Variants in SKIC2 observed in about 807,000 individuals in gnomAD.
The protein encoded by SKIC2 is superkiller complex protein 2.
chr6:31,963,327 A>G, the SKIC2 span: 6 of 1,290,792 alleles, frequency 4.6e-6, no homozygotes, highest in Non-Finnish European at 6.4e-6. This position sits in a 1 kb window ranked among gnomAD's most constrained non-coding sequence, Gnocchi z 5.3. Flanking sequence ...AAGACTGGGT[A>G]AAGTTGGAGG....
the SKIC2 span, chr6:31,962,119 A>C: frequency 1.0e-5 from 16 of 1,533,632 alleles, no homozygotes; most frequent in Admixed American, 2.7e-4. The surrounding 1 kb of genome is among the most constrained non-coding windows in gnomAD (Gnocchi z 5.0). Context: ...CATCCTTTGA[A>C]AATCTCATCT....
At chr6:31,960,176 C>A in the SKIC2 span, 1 of 1,606,710 alleles carries the variant, frequency 6.2e-7, no homozygotes, top group Non-Finnish European at 8.5e-7. Context: ...GAAGCTGGGA[C>A]AGAGGAAGAA....
the SKIC2 span, chr6:31,961,961 G>A: frequency 5.0e-6 from 8 of 1,612,876 alleles, no homozygotes; most frequent in African/African-American, 4.0e-5. Context: ...CACTTGGAAC[G>A]GCATGACTCT....
At chr6:31,963,538 G>A in the SKIC2 span, 14 of 1,593,226 alleles carry the variant, frequency 8.8e-6, no homozygotes, top group South Asian at 1.1e-5. The surrounding 1 kb of genome is among the most constrained non-coding windows in gnomAD (Gnocchi z 5.3). Context: ...CTGGACTCCC[G>A]AGGAGCCTTC....
chr6:31,966,558 T>C, the SKIC2 span: 2 of 724,752 alleles, frequency 2.8e-6, no homozygotes, highest in South Asian at 1.8e-5. This position sits in a 1 kb window ranked among gnomAD's most constrained non-coding sequence, Gnocchi z 5.9. Context: ...TGCTCCCTTA[T>C]GTTACAGAAG....
chr6:31,964,107 T>C, the SKIC2 span: 1 of 1,612,644 alleles, frequency 6.2e-7, no homozygotes, highest in Non-Finnish European at 8.5e-7. This position sits in a 1 kb window ranked among gnomAD's most constrained non-coding sequence, Gnocchi z 5.0. Context: ...TCCGTGGCTC[T>C]GACCGCCAGC....
At chr6:31,962,494 C>T in the SKIC2 span, 39 of 1,614,048 alleles carry the variant, frequency 2.4e-5, no homozygotes, top group African/African-American at 2.1e-4. This position sits in a 1 kb window ranked among gnomAD's most constrained non-coding sequence, Gnocchi z 5.0. Context: ...CCGGGACTTC[C>T]GAAACACATT....
chr6:31,962,374 G>A, the SKIC2 span: 4 of 1,568,792 alleles, frequency 2.5e-6, no homozygotes, highest in Non-Finnish European at 3.5e-6. This position sits in a 1 kb window ranked among gnomAD's most constrained non-coding sequence, Gnocchi z 5.0. Flanking sequence ...AGGGCTCCAT[G>A]TGGGAGAGGA....
At chr6:31,962,045 A>G in the SKIC2 span, 1 of 1,613,002 alleles carries the variant, frequency 6.2e-7, no homozygotes, top group Non-Finnish European at 8.5e-7. The surrounding 1 kb of genome is among the most constrained non-coding windows in gnomAD (Gnocchi z 5.0). Context: ...GCCCAGAAAC[A>G]CATGACACGG....
the SKIC2 span, chr6:31,969,056 C>T: frequency 2.2e-4 from 352 of 1,611,880 alleles, 2 homozygotes; most frequent in Middle Eastern, 1.8e-3. The surrounding 1 kb of genome is among the most constrained non-coding windows in gnomAD (Gnocchi z 6.1). Flanking sequence ...GCCCTGGGGA[C>T]GCTGGGGATC....
chr6:31,968,364 C>G, the SKIC2 span: 2 of 1,612,998 alleles, frequency 1.2e-6, no homozygotes, highest in Non-Finnish European at 1.7e-6. The surrounding 1 kb of genome is among the most constrained non-coding windows in gnomAD (Gnocchi z 6.1). Context: ...CCACTGCTGT[C>G]CAGGAACTGC....
At chr6:31,960,017 A>G in the SKIC2 span, 1 of 1,612,560 alleles carries the variant, frequency 6.2e-7, no homozygotes, top group South Asian at 1.1e-5. Flanking sequence ...CAGCTTCCCC[A>G]TGGCCTCCCT....
At chr6:31,961,679 C>T in the SKIC2 span, 1 of 1,611,194 alleles carries the variant, frequency 6.2e-7, no homozygotes, top group Non-Finnish European at 8.5e-7. Context: ...CTTCCAGGTA[C>T]TTTGGCCCCA....
the SKIC2 span, chr6:31,963,723 G>C: frequency 2.6e-6 from 4 of 1,545,134 alleles, no homozygotes; most frequent in African/African-American, 1.4e-5. The surrounding 1 kb of genome is among the most constrained non-coding windows in gnomAD (Gnocchi z 5.3). Flanking sequence ...CATCAGGGGG[G>C]CCCTGCACAG....
chr6:31,959,865 G>A, the SKIC2 span: 1 of 634,526 alleles, frequency 1.6e-6, no homozygotes, highest in Non-Finnish European at 2.8e-6. Context: ...TAATTCAGTA[G>A]CAGGTAGTTT....
At chr6:31,967,347 G>A in the SKIC2 span, 3 of 1,612,594 alleles carry the variant, frequency 1.9e-6, no homozygotes, top group East Asian at 2.2e-5. The surrounding 1 kb of genome is among the most constrained non-coding windows in gnomAD (Gnocchi z 4.9). Context: ...AGAATCAGGA[G>A]CATCACAACG....
chr6:31,963,009 C>G, the SKIC2 span: 23 of 1,612,302 alleles, frequency 1.4e-5, no homozygotes, highest in Non-Finnish European at 1.8e-5. This position sits in a 1 kb window ranked among gnomAD's most constrained non-coding sequence, Gnocchi z 5.3. Flanking sequence ...GGAGGAGGTG[C>G]TTATCATGCT....
the SKIC2 span, chr6:31,967,875 C>T: frequency 2.5e-6 from 4 of 1,612,810 alleles, no homozygotes; most frequent in African/African-American, 5.3e-5. This position sits in a 1 kb window ranked among gnomAD's most constrained non-coding sequence, Gnocchi z 4.9. Flanking sequence ...GAGAGTGTGG[C>T]AGATGTCTGT....
chr6:31,963,449 T>G, the SKIC2 span: 2 of 1,610,564 alleles, frequency 1.2e-6, no homozygotes, highest in East Asian at 2.2e-5. The surrounding 1 kb of genome is among the most constrained non-coding windows in gnomAD (Gnocchi z 5.3). Context: ...TGATTAGCAC[T>G]GTAACCCGCC....
Sources: allele counts gnomAD v4.1 joint callset, GRCh38; gene constraint gnomAD v4.1.1; non-coding constraint Gnocchi (gnomAD v3.1); transcripts MANE v1.5; gene names NCBI Gene and HGNC (gene_info 2026-07-23, HGNC 2026-07-21).